Variants in CRACD observed in about 807,000 individuals in gnomAD.
CRACD encodes the protein capping protein inhibiting regulator of actin dynamics.
In CRACD, 56 loss-of-function variants were observed where a neutral mutation model predicts 106.8. The observed-to-expected ratio is 0.52, with a 90% confidence interval of 0.42 to 0.66. The LOEUF (loss-of-function observed/expected upper bound fraction) is 0.66, where lower values mean the gene tolerates loss of function less well. Among genes scored for constraint, CRACD ranks in the 30% least tolerant of loss-of-function variants. The probability of loss-of-function intolerance (pLI) is 0.00; values close to 1 mark genes in which losing one functional copy is unlikely to be tolerated. For synonymous variants in CRACD, 754 were observed against 670.8 expected, an observed-to-expected ratio of 1.12 and a Z score of -1.92; for missense variants, 1,730 against 1,623.2, an observed-to-expected ratio of 1.07 and a Z score of -1.13.
intron 3 of CRACD, among the ~76,000 whole-genome samples, chr4:56,290,037 C>T (rs932789434): frequency 2.0e-5 from 3 of 152,172 alleles, no homozygotes; most frequent in Non-Finnish European, 4.4e-5. Flanking sequence ...TCCCTGTCAT[C>T]GCTGATACAG....
intron 3 of CRACD, among the ~76,000 whole-genome samples, chr4:56,285,761 A>G (rs10005033): frequency 0.56 from 84,679 of 152,032 alleles, 24,307 homozygotes; most frequent in Middle Eastern, 0.72. Context: ...AGTGTTTTAC[A>G]TATCATAAAT....
At chr4:56,124,411 A>C (rs1364135875) in intron 1 of CRACD, among the ~76,000 whole-genome samples, 1 of 152,230 alleles carries the variant, frequency 6.6e-6, no homozygotes, top group African/African-American at 2.4e-5. Context: ...TCTAGACATT[A>C]TATCATTTTA....
At chr4:56,225,992 T>G (rs1224284128) in intron 2 of CRACD, among the ~76,000 whole-genome samples, 1 of 152,228 alleles carries the variant, frequency 6.6e-6, no homozygotes, top group Admixed American at 6.5e-5. Flanking sequence ...TAGATATTAT[T>G]CAGTGTCACC....
At chr4:56,210,097 T>C (rs1236158880) in intron 2 of CRACD, among the ~76,000 whole-genome samples, 2 of 152,180 alleles carry the variant, frequency 1.3e-5, no homozygotes, top group East Asian at 1.9e-4. Context: ...GTTTCCAGAC[T>C]TCACCATGGC....
At chr4:56,192,904 C>T (rs917949475) in intron 2 of CRACD, among the ~76,000 whole-genome samples, 3 of 152,124 alleles carry the variant, frequency 2.0e-5, no homozygotes, top group South Asian at 2.1e-4. Flanking sequence ...TCTCTTCACC[C>T]GAAACAGACA....
At chr4:56,111,129 A>T (rs549455174) in intron 1 of CRACD, among the ~76,000 whole-genome samples, 1 of 152,328 alleles carries the variant, frequency 6.6e-6, no homozygotes, top group South Asian at 2.1e-4. Flanking sequence ...TATAGTAATG[A>T]TGTAAACACT....
intron 1 of CRACD, among the ~76,000 whole-genome samples, chr4:56,109,414 G>A (rs568563983): frequency 1.3e-5 from 2 of 151,968 alleles, no homozygotes; most frequent in East Asian, 1.9e-4. Context: ...GTAATCCTTC[G>A]CCCACACTGT....
At chr4:56,081,435 G>A (rs916412594) in intron 1 of CRACD, among the ~76,000 whole-genome samples, 1 of 152,090 alleles carries the variant, frequency 6.6e-6, no homozygotes, top group African/African-American at 2.4e-5. Context: ...TAATATTTGT[G>A]GTTGGTGGTG....
chr4:56,249,442 T>C (rs1740916101), intron 2 of CRACD, among the ~76,000 whole-genome samples: 1 of 150,348 alleles, frequency 6.7e-6, no homozygotes. Context: ...TTCTTGTAAA[T>C]TTGTTTGAGT....
chr4:56,232,033 A>G (rs1273943284), intron 2 of CRACD, among the ~76,000 whole-genome samples: 2 of 152,208 alleles, frequency 1.3e-5, no homozygotes, highest in African/African-American at 4.8e-5. Context: ...AGTTCCAAAC[A>G]TGGAGAAAAA....
At chr4:56,293,048 T>G (rs984217564) in intron 3 of CRACD, among the ~76,000 whole-genome samples, 2 of 152,192 alleles carry the variant, frequency 1.3e-5, no homozygotes, top group Non-Finnish European at 2.9e-5. Flanking sequence ...AACAATTAAG[T>G]GGAAATTTGA....
At chr4:56,093,229 G>A (rs1733482587) in intron 1 of CRACD, among the ~76,000 whole-genome samples, 2 of 152,120 alleles carry the variant, frequency 1.3e-5, no homozygotes, top group South Asian at 2.1e-4. Flanking sequence ...TGTGTGCTAG[G>A]CACTGAGGAG....
At chr4:56,269,163 A>G (rs2109638706) in intron 2 of CRACD, among the ~76,000 whole-genome samples, 1 of 152,194 alleles carries the variant, frequency 6.6e-6, no homozygotes, top group South Asian at 2.1e-4. Context: ...TGGGCAGATT[A>G]ATTGAGGTCA....
intron 8 of CRACD, among the ~76,000 whole-genome samples, chr4:56,319,474 C>T (rs1745909600): frequency 6.6e-6 from 1 of 151,794 alleles, no homozygotes; most frequent in Non-Finnish European, 1.5e-5. Context: ...GGGCATGATA[C>T]ACACCTGTGG....
chr4:56,149,355 G>A (rs1477281525), intron 1 of CRACD, among the ~76,000 whole-genome samples: 1 of 152,120 alleles, frequency 6.6e-6, no homozygotes, highest in East Asian at 1.9e-4. Flanking sequence ...CTACAAATCA[G>A]TACAAAGATC....
intron 1 of CRACD, among the ~76,000 whole-genome samples, chr4:56,162,779 A>G (rs1301461146): frequency 6.6e-6 from 1 of 152,238 alleles, no homozygotes; most frequent in East Asian, 1.9e-4. Flanking sequence ...AAATTCTAGT[A>G]ACAGTTTACA....
chr4:56,151,663 G>T (rs777367382), intron 1 of CRACD, among the ~76,000 whole-genome samples: 2 of 151,756 alleles, frequency 1.3e-5, no homozygotes, highest in Non-Finnish European at 2.9e-5. Context: ...CCTTTCTAAC[G>T]AAAAGATTCA....
intron 1 of CRACD, among the ~76,000 whole-genome samples, chr4:56,105,050 C>G (rs891995088): frequency 1.3e-5 from 2 of 151,270 alleles, no homozygotes. Flanking sequence ...ATAGAAAATA[C>G]TTGCCTGTAG....
At chr4:56,055,736 CT>C (rs1389298260) in intron 1 of CRACD, among the ~76,000 whole-genome samples, 7 of 152,148 alleles carry the variant, frequency 4.6e-5, no homozygotes, top group Non-Finnish European at 1.0e-4. Context: ...GGTTAACTGT[CT>C]TCTAGAGTTA....
Sources: allele counts gnomAD v4.1 joint callset (sites outside exome capture counted in the v4.1 genomes callset), GRCh38; gene constraint gnomAD v4.1.1; transcripts MANE v1.5; gene names NCBI Gene and HGNC (gene_info 2026-07-23, HGNC 2026-07-21).